Variants in ATF6 observed in about 807,000 individuals in gnomAD.
ATF6 encodes cyclic AMP-dependent transcription factor ATF-6 alpha.
In ATF6, 53 loss-of-function variants were observed where a neutral mutation model predicts 83.6. That is an observed-to-expected ratio of 0.63 (90% CI 0.51 to 0.80). ATF6 has a LOEUF of 0.80. Among genes scored for constraint, ATF6 ranks in the 30% least tolerant of loss-of-function variants. The pLI, the probability that ATF6 is intolerant of heterozygous loss-of-function variation, is 0.00. For missense variants in ATF6, 744 were observed against 797.9 expected, an observed-to-expected ratio of 0.93 and a Z score of 0.81; for synonymous variants, 288 against 285.8, an observed-to-expected ratio of 1.01 and a Z score of -0.08.
At chr1:161,836,558 G>T (rs949763578) in intron 9 of ATF6, among the ~76,000 whole-genome samples, 1 of 152,154 alleles carries the variant, frequency 6.6e-6, no homozygotes, top group African/African-American at 2.4e-5. Flanking sequence ...TAGTCTTAAC[G>T]TATTCATGTT....
chr1:161,822,525 T>C (rs991019133), intron 9 of ATF6, among the ~76,000 whole-genome samples: 2 of 143,930 alleles, frequency 1.4e-5, no homozygotes, highest in East Asian at 3.9e-4. Context: ...GGAGTTAAAA[T>C]TGAATGATCT....
intron 14 of ATF6, among the ~76,000 whole-genome samples, chr1:161,894,196 CCTTTT>C (rs1687619811): frequency 2.1e-5 from 3 of 144,966 alleles, no homozygotes; most frequent in Non-Finnish European, 3.0e-5. Flanking sequence ...CGTTTTTGTT[CCTTTT>C]AAGATGGCAG....
intron 14 of ATF6, among the ~76,000 whole-genome samples, chr1:161,866,397 A>G: frequency 6.6e-6 from 1 of 152,062 alleles, no homozygotes; most frequent in Non-Finnish European, 1.5e-5. Flanking sequence ...AAGCAGACAC[A>G]CTCTTGGATA....
intron 15 of ATF6, among the ~76,000 whole-genome samples, chr1:161,935,393 C>G (rs1004972808): frequency 2.9e-4 from 44 of 152,324 alleles, no homozygotes; most frequent in Middle Eastern, 3.4e-3. Context: ...TTCCTCACCC[C>G]TTCTGCCATT....
At chr1:161,835,256 A>G (rs1686185024) in intron 9 of ATF6, among the ~76,000 whole-genome samples, 1 of 152,056 alleles carries the variant, frequency 6.6e-6, no homozygotes, top group Admixed American at 6.6e-5. Context: ...ACATCTTATT[A>G]TGTTGCTCAG....
chr1:161,798,619 A>G (rs953584045), intron 6 of ATF6, among the ~76,000 whole-genome samples: 10 of 152,142 alleles, frequency 6.6e-5, no homozygotes, highest in Admixed American at 1.3e-4. Context: ...ATAAATAAAA[A>G]TCAACTAAAG....
intron 14 of ATF6, among the ~76,000 whole-genome samples, chr1:161,907,718 A>T (rs891795330): frequency 1.3e-5 from 2 of 152,218 alleles, no homozygotes; most frequent in Non-Finnish European, 2.9e-5. Context: ...ATAATTTTTT[A>T]AAAAGATATG....
chr1:161,870,299 A>G lies in ATF6; in HGVS notation c.1719+6987A>G, dbSNP rs958788902. On this transcript the variant is annotated intron_variant, in intron 14 of 15. Coordinates refer to ENST00000367942, the MANE Select transcript of ATF6 (RefSeq NM_007348.4). ...TTTCATAATGCTGGAGAATAACTTA[A>G]TGGTTTGAAATATTATAGTATAGCT... 5.3e-5 allele frequency among the ~76,000 whole-genome samples: 8 copies of G among 151,816 alleles called. 1 individual carries two copies. Among genetic ancestry groups the G allele is most frequent in the Non-Finnish European group, 1.2e-4 (8 of 67,712 alleles).
At chr1:161,923,387 C>G (rs1389958402) in intron 15 of ATF6, among the ~76,000 whole-genome samples, 1 of 152,188 alleles carries the variant, frequency 6.6e-6, no homozygotes, top group Non-Finnish European at 1.5e-5. Flanking sequence ...CTCATTTCCT[C>G]TGGTTGGCCT....
At chr1:161,795,025 A>G (rs1010589602) in intron 6 of ATF6, among the ~76,000 whole-genome samples, 1 of 152,194 alleles carries the variant, frequency 6.6e-6, no homozygotes, top group African/African-American at 2.4e-5. Context: ...AATGGGAGAC[A>G]GAGGTAAAAT....
At chr1:161,928,248 C>T (rs1455710008) in intron 15 of ATF6, among the ~76,000 whole-genome samples, 1 of 152,196 alleles carries the variant, frequency 6.6e-6, no homozygotes, top group African/African-American at 2.4e-5. Context: ...CCTCAGGCAA[C>T]AGCGTATGAC....
chr1:161,848,048 A>AT (rs943548747), intron 10 of ATF6, among the ~76,000 whole-genome samples: 10 of 151,750 alleles, frequency 6.6e-5, no homozygotes, highest in African/African-American at 2.4e-4. Context: ...GATGCAAGCT[A>AT]TTTTTTCCCT....
chr1:161,825,301 C>T (rs1299953418), intron 9 of ATF6, among the ~76,000 whole-genome samples: 1 of 152,104 alleles, frequency 6.6e-6, no homozygotes, highest in East Asian at 1.9e-4. Flanking sequence ...CTTGGCCTTC[C>T]GAAGTGCTGG....
chr1:161,932,501 T>A (rs1388266061), intron 15 of ATF6, among the ~76,000 whole-genome samples: 1 of 152,196 alleles, frequency 6.6e-6, no homozygotes, highest in Non-Finnish European at 1.5e-5. Flanking sequence ...ATTCTAAAGG[T>A]AAACTTGCCA....
intron 9 of ATF6, among the ~76,000 whole-genome samples, chr1:161,834,090 G>A (rs12031400): frequency 0.097 from 14,733 of 152,140 alleles, 1,280 homozygotes; most frequent in East Asian, 0.31. Flanking sequence ...GAAGAGAGTG[G>A]GGGCCAATAT....
intron 7 of ATF6, among the ~76,000 whole-genome samples, chr1:161,814,765 C>T (rs942137801): frequency 9.9e-5 from 15 of 152,022 alleles, no homozygotes; most frequent in Admixed American, 2.6e-4. Flanking sequence ...AATAAGTGTA[C>T]GTAAGATTCT....
chr1:161,903,383 T>C (rs935865623), intron 14 of ATF6, among the ~76,000 whole-genome samples: 43 of 152,286 alleles, frequency 2.8e-4, no homozygotes, highest in Middle Eastern at 3.4e-3. Flanking sequence ...ACCAAATCAG[T>C]AGGGACCAAA....
chr1:161,842,098 G>T (rs1192577168), intron 9 of ATF6, among the ~76,000 whole-genome samples: 1 of 152,070 alleles, frequency 6.6e-6, no homozygotes, highest in Admixed American at 6.6e-5. Context: ...CATACAAATA[G>T]CCACTTTGTA....
At chr1:161,791,566 T>C in intron 5 of ATF6, 29 bp downstream of exon 5, 2 of 1,566,830 alleles carry the variant, frequency 1.3e-6, no homozygotes, top group Non-Finnish European at 1.7e-6. Flanking sequence ...ACTTCTGTTA[T>C]TTCTATTTCA....
Sources: allele counts gnomAD v4.1 joint callset (sites outside exome capture counted in the v4.1 genomes callset), GRCh38; gene constraint gnomAD v4.1.1; transcripts MANE v1.5; gene names NCBI Gene and HGNC (gene_info 2026-07-23, HGNC 2026-07-21).